MUSK: variants seen among roughly 807,000 people sequenced by gnomAD.
MUSK encodes muscle, skeletal receptor tyrosine-protein kinase.
MUSK carries 55 observed loss-of-function variants against 88.7 expected under a neutral mutation model. That is an observed-to-expected ratio of 0.62 (90% CI 0.50 to 0.78). The LOEUF (loss-of-function observed/expected upper bound fraction) is 0.78. Ranked by LOEUF, MUSK falls within the 30% of genes least tolerant of loss-of-function variation. The pLI, the probability that MUSK is intolerant of heterozygous loss-of-function variation, is 0.00. For missense variants in MUSK, 1,015 were observed against 1,074.3 expected (o/e 0.94, Z 0.77); for synonymous variants, 387 against 391.9 (o/e 0.99, Z 0.15).
chr9:110,724,582 A>G (rs569440557), intron 5 of MUSK, among the ~76,000 whole-genome samples: 19 of 152,018 alleles, frequency 1.2e-4, no homozygotes, highest in Non-Finnish European at 2.4e-4. Flanking sequence ...CATATAGTAC[A>G]CTTCTAGAGA....
At chr9:110,678,605 T>C (rs1391545205) in intron 1 of MUSK, among the ~76,000 whole-genome samples, 14 of 152,202 alleles carry the variant, frequency 9.2e-5, no homozygotes. Context: ...CACCCTTTAC[T>C]ACATGTGAAC....
At chr9:110,716,862 C>G (rs934600283) in intron 5 of MUSK, among the ~76,000 whole-genome samples, 3 of 149,872 alleles carry the variant, frequency 2.0e-5, no homozygotes, top group Non-Finnish European at 4.4e-5. Context: ...CATTTTTAAC[C>G]TTTGGATGAT....
chr9:110,673,700 A>G (rs987422856), intron 1 of MUSK, among the ~76,000 whole-genome samples: 1 of 152,168 alleles, frequency 6.6e-6, no homozygotes, highest in Admixed American at 6.5e-5. Flanking sequence ...AGATAACATT[A>G]ATAGTAAGTC....
At position 110,733,157 on chromosome 9, in the gene MUSK, C is replaced by A. The variant is rs2076985594; in HGVS notation, c.629-1094C>A. ...TATTCTGTGCTTAAGTCCTAGAAAT[C>A]AAAAAGTAGGAGCATAAAATATACT... On this transcript the variant is annotated intron_variant, in intron 5 of 14. Coordinates refer to ENST00000374448, the MANE Select transcript of MUSK (RefSeq NM_005592.4). 2.6e-5 allele frequency among the ~76,000 whole-genome samples: 4 copies of A among 152,086 alleles called. No individual in the cohort carries two copies. In the South Asian group the frequency reaches 6.2e-4, roughly 24 times the overall value.
intron 14 of MUSK, among the ~76,000 whole-genome samples, chr9:110,789,959 C>A (rs893833850): frequency 2.6e-5 from 4 of 151,890 alleles, no homozygotes; most frequent in Admixed American, 2.6e-4. Context: ...AGTAAGACAC[C>A]TAAGTATGGA....
At position 110,767,998 on chromosome 9, in the gene MUSK, C is replaced by T. The variant is rs201014623; in HGVS notation, c.1099C>T (p.Arg367Trp). The T allele has an allele frequency of 5.4e-5, 87 of 1,613,902 alleles. No individual in the cohort carries two copies. The African/African-American group carries it at 9.1e-4, about 17-fold the overall frequency. The change falls in exon 9 of 15, where the codon CGG becomes TGG. Residue 367 changes from arginine to tryptophan, a missense_variant. By Grantham distance (101) the Arg-to-Trp change is moderately radical. Transcript: ENST00000374448. The stretch of plus-strand genomic sequence containing the variant: ...ACTGAAAGTAGTGAGCCCAGTCTGC[C>T]GGCCAGCTGCTGAGGCTTTGTTGTG... ...NELKVVSPVCRPAAEALLCNH... is the reference protein window; with the variant it reads ...NELKVVSPVCWPAAEALLCNH...
chr9:110,797,513 T>G (rs1157465198), intron 14 of MUSK, among the ~76,000 whole-genome samples: 1 of 152,092 alleles, frequency 6.6e-6, no homozygotes, highest in Non-Finnish European at 1.5e-5. Flanking sequence ...GTAAAGTAAT[T>G]TAGTGGTCAG....
chr9:110,768,226 A>G (rs2077514635), intron 9 of MUSK, 143 bp downstream of exon 9: 1 of 862,578 alleles, frequency 1.2e-6, no homozygotes, highest in African/African-American at 1.7e-5. Flanking sequence ...GCCTGGGTGC[A>G]GTGGCTCATG....
rs1045552510 is a variant in MUSK at position 110,804,081 on chromosome 9, C to T, written c.*3093C>T. Reference sequence around the variant, plus strand: ...TTTTCATTTTACAGTATATTACGAACCTGTTCCACGTCATTAAATATTCTT... The same window carrying T: ...TTTTCATTTTACAGTATATTACGAATCTGTTCCACGTCATTAAATATTCTT... On this transcript the variant is annotated 3_prime_UTR_variant, in exon 15 of 15. Transcript: ENST00000374448. Among the ~76,000 whole-genome samples the T allele has an allele frequency of 6.6e-6, 1 of 152,124 alleles. No homozygotes were observed. Among genetic ancestry groups the T allele is most frequent in the Non-Finnish European group, 1.5e-5 (1 of 67,984 alleles).
At chr9:110,787,932 G>T in intron 14 of MUSK, 94 bp downstream of exon 14, 1 of 1,375,326 alleles carries the variant, frequency 7.3e-7, no homozygotes, top group South Asian at 1.3e-5. Context: ...TTTTCTCCTT[G>T]ATCAGTGAGA....
chr9:110,713,756 T>C (rs1015432743), intron 5 of MUSK, among the ~76,000 whole-genome samples: 3 of 152,148 alleles, frequency 2.0e-5, no homozygotes, highest in Non-Finnish European at 4.4e-5. Context: ...CTTCTATTTA[T>C]TTTTCCAACT....
Position 110,785,536 on chromosome 9 carries a change from A to G in MUSK, c.1596A>G (p.Ala532=). 6.2e-7 allele frequency: 1 copy of G among 1,604,504 alleles called. No individual in the cohort carries two copies. Among genetic ancestry groups the G allele is most frequent in the Non-Finnish European group, 8.5e-7 (1 of 1,174,480 alleles). Reference sequence around the variant, plus strand: ...CCTGTCTTGCCTGCAGAGAATCAGCAGCAGTAACCCTCACCACACTGCCTT... The same window carrying G: ...CCTGTCTTGCCTGCAGAGAATCAGCGGCAGTAACCCTCACCACACTGCCTT... ...KQWKNKKRES[A]AVTLTTLPSE... Residue 532 remains alanine, a synonymous_variant, in exon 13 of 15, where the codon GCA becomes GCG. Transcript: ENST00000374448.
intron 5 of MUSK, among the ~76,000 whole-genome samples, chr9:110,719,606 C>T (rs568082600): frequency 6.6e-6 from 1 of 151,964 alleles, no homozygotes; most frequent in Non-Finnish European, 1.5e-5. Context: ...TATTACTAGA[C>T]CTTAAAAATA....
chr9:110,691,128 G>A (rs897511770), intron 3 of MUSK, among the ~76,000 whole-genome samples: 2 of 151,998 alleles, frequency 1.3e-5, no homozygotes, highest in Admixed American at 6.6e-5. Context: ...GCCTCCCAAA[G>A]TTCTGGGATT....
intron 6 of MUSK, among the ~76,000 whole-genome samples, chr9:110,740,714 A>C (rs1280599544): frequency 6.6e-6 from 1 of 152,178 alleles, no homozygotes; most frequent in Non-Finnish European, 1.5e-5. Context: ...TCTCCATGTA[A>C]TAAGTTAATT....
At chr9:110,693,789 A>G (rs1283327477) in intron 3 of MUSK, among the ~76,000 whole-genome samples, 1 of 152,160 alleles carries the variant, frequency 6.6e-6, no homozygotes, top group Non-Finnish European at 1.5e-5. Flanking sequence ...GCTTTACCAT[A>G]GAGATCTTGT....
intron 5 of MUSK, among the ~76,000 whole-genome samples, chr9:110,729,348 A>T (rs1236800752): frequency 6.8e-6 from 1 of 147,368 alleles, no homozygotes; most frequent in Non-Finnish European, 1.5e-5. Flanking sequence ...AAAAAAAGAA[A>T]AAAGAAAAAA....
At position 110,668,951 on chromosome 9, in the gene MUSK, T is replaced by C; in HGVS notation, c.47T>C (p.Val16Ala). 5 of 1,613,850 alleles carry C rather than the reference T, an allele frequency of 3.1e-6. No homozygotes were observed. The highest frequency in any genetic ancestry group is 4.2e-6 in the Non-Finnish European group (5 of 1,179,748). ...CCACTGGTACATATTCTTACTCTGG[T>C]TGCCTTCAGCGGAACTGAGAAACTT... ...NIPLVHILTL[V>A]AFSGTEKLPK... Residue 16 changes from valine to alanine, a missense_variant, in exon 1 of 15, where the codon GTT becomes GCT. Coordinates refer to ENST00000374448, the MANE Select transcript of MUSK (RefSeq NM_005592.4).
intron 5 of MUSK, among the ~76,000 whole-genome samples, chr9:110,720,473 C>T (rs2076797006): frequency 6.6e-6 from 1 of 151,892 alleles, no homozygotes; most frequent in African/African-American, 2.4e-5. Flanking sequence ...CCTTTATGGA[C>T]ATAAACTAGA....
Sources: allele counts gnomAD v4.1 joint callset (sites outside exome capture counted in the v4.1 genomes callset), GRCh38; gene constraint gnomAD v4.1.1; transcripts MANE v1.5; gene names NCBI Gene and HGNC (gene_info 2026-07-23, HGNC 2026-07-21).